Variants in ARHGEF28 observed in about 807,000 individuals in gnomAD.
ARHGEF28 encodes Rho guanine nucleotide exchange factor 28, also known as 190 kDa guanine nucleotide exchange factor.
In ARHGEF28, 152 loss-of-function variants were observed where a neutral mutation model predicts 206.6. The ratio of observed to expected loss-of-function variants is 0.74; its 90% CI spans 0.64 to 0.84. The LOEUF (loss-of-function observed/expected upper bound fraction) is 0.84, where lower values mean the gene tolerates loss of function less well. Ranked by LOEUF, ARHGEF28 falls within the 40% of genes least tolerant of loss-of-function variation. ARHGEF28 has a pLI of 0.00. For missense variants in ARHGEF28, 2,028 were observed against 2,073.2 expected (o/e 0.98, Z 0.42); for synonymous variants, 763 against 776.4 (o/e 0.98, Z 0.29).
chr5:73,640,719 C>T (rs905978137), intron 1 of ARHGEF28, among the ~76,000 whole-genome samples: 7 of 152,014 alleles, frequency 4.6e-5, no homozygotes, highest in African/African-American at 1.7e-4. Context: ...GGAATAATAC[C>T]AGCCCTTTAG....
chr5:73,927,013 G>C (rs1355109562), intron 35 of ARHGEF28, among the ~76,000 whole-genome samples: 1 of 152,088 alleles, frequency 6.6e-6, no homozygotes, highest in East Asian at 1.9e-4. Context: ...TTCTTAAGAG[G>C]AGGCTTTAGT....
intron 7 of ARHGEF28, 30 bp downstream of exon 7, chr5:73,780,775 G>A (rs559187795): frequency 6.5e-6 from 10 of 1,548,922 alleles, no homozygotes; most frequent in Middle Eastern, 1.8e-4. Context: ...ACTTATGGCA[G>A]CCACAGAGTG....
intron 11 of ARHGEF28, among the ~76,000 whole-genome samples, chr5:73,844,668 C>T (rs1341285670): frequency 1.3e-4 from 15 of 116,592 alleles, no homozygotes; most frequent in African/African-American, 4.6e-4. Context: ...ATAACCTAAA[C>T]AGGTTAATTC....
rs1484834799 is a variant in ARHGEF28, at chr5:73,909,753, G to A, written c.4503G>A (p.Gln1501=). The A allele has an allele frequency of 2.0e-6, 3 of 1,514,712 alleles. No homozygotes were observed. The highest frequency in any genetic ancestry group is 4.9e-5 in the East Asian group (2 of 40,808). 93.8% of individuals were successfully genotyped at this position (1,514,712 alleles called of 1,614,324 possible). The change falls in exon 34 of 36, where the codon CAG becomes CAA. Residue 1501 remains glutamine (Q), a synonymous_variant. Transcript: ENST00000513042. ...TGGACCTCCAGCTCCAGGAGTACCA[G>A]CACAGCCTGGAGCGGCTGAGGGAGG... ...GELDLQLQEY[Q]HSLERLREGQ... is the part of the protein sequence containing the mutation.
At chr5:73,687,969 A>G (rs1289444822) in intron 2 of ARHGEF28, among the ~76,000 whole-genome samples, 2 of 152,100 alleles carry the variant, frequency 1.3e-5, no homozygotes, top group Non-Finnish European at 2.9e-5. Context: ...TGGTGACTTT[A>G]TGTATGTACT....
intron 2 of ARHGEF28, among the ~76,000 whole-genome samples, chr5:73,718,117 C>T (rs1749701508): frequency 6.6e-6 from 1 of 152,078 alleles, no homozygotes; most frequent in Non-Finnish European, 1.5e-5. Flanking sequence ...AGGGATCCAC[C>T]CACCTTGGCC....
At chr5:73,793,150 TA>T (rs1277992656) in intron 7 of ARHGEF28, among the ~76,000 whole-genome samples, 1 of 152,238 alleles carries the variant, frequency 6.6e-6, no homozygotes, top group East Asian at 1.9e-4. Context: ...AGCAATATAC[TA>T]TTGTGGCATG....
At chr5:73,674,192 A>C (rs550073476) in intron 1 of ARHGEF28, among the ~76,000 whole-genome samples, 1 of 152,182 alleles carries the variant, frequency 6.6e-6, no homozygotes, top group African/African-American at 2.4e-5. Context: ...AAAACCAAAA[A>C]CAAAACATAC....
Position 73,737,676 on chromosome 5 carries a change from A to C in ARHGEF28, c.34-12161A>C, listed in dbSNP as rs574561776. Among the ~76,000 whole-genome samples, 3 of 151,752 alleles carry C rather than the reference A, an allele frequency of 2.0e-5. No homozygotes were observed. In the East Asian group the frequency reaches 5.8e-4, roughly 29 times the overall value. On this transcript the variant is annotated intron_variant, in intron 2 of 35. Coordinates refer to ENST00000513042, the MANE Select transcript of ARHGEF28 (RefSeq NM_001177693.2). ...ACAGGTGCACGCTGCCACCACGTCC[A>C]GCTAATTTTTTGTATTTTTTAGTAG...
At chr5:73,911,740 G>A (rs1762920301) in intron 35 of ARHGEF28, 165 bp downstream of exon 35, 1 of 740,810 alleles carries the variant, frequency 1.3e-6, no homozygotes, top group African/African-American at 1.8e-5. Flanking sequence ...GAAGTCTGGG[G>A]ACAGCCTTTG....
chr5:73,927,215 A>T (rs1763867369), intron 35 of ARHGEF28, among the ~76,000 whole-genome samples: 1 of 152,038 alleles, frequency 6.6e-6, no homozygotes, highest in Admixed American at 6.5e-5. Flanking sequence ...AATAAAAATA[A>T]AAAATAAAAA....
chr5:73,831,766 A>C (rs1757314790), intron 9 of ARHGEF28, among the ~76,000 whole-genome samples: 1 of 152,274 alleles, frequency 6.6e-6, no homozygotes, highest in South Asian at 2.1e-4. Flanking sequence ...GTCTCGGCTC[A>C]CCGCAACGTC....
chr5:73,846,345 G>T lies in ARHGEF28; in HGVS notation c.1505G>T (p.Gly502Val), dbSNP rs755309989. 21 of 1,613,714 alleles carry T rather than the reference G, an allele frequency of 1.3e-5. No homozygotes were observed. The South Asian group carries it at 1.8e-4, about 13-fold the overall frequency. ...CCATCCCACATCTGTTACACTCCAGGGTCTCAGAGCTCCTCAAGAACTGGG... is the reference window on the plus strand; with the variant it reads ...CCATCCCACATCTGTTACACTCCAGTGTCTCAGAGCTCCTCAAGAACTGGG... ...SEPSHICYTP[G>V]SQSSSRTGIP... Residue 502 changes from glycine to valine, a missense_variant, in exon 12 of 36, where the codon GGG becomes GTG. Around this residue, in one of 3 missense-constraint regions of ARHGEF28, gnomAD observed 1,002 missense variants for 1,015.3 expected, o/e 0.99. Transcript: ENST00000513042.
At chr5:73,862,079 T>A (rs1368727018) in intron 16 of ARHGEF28, among the ~76,000 whole-genome samples, 1 of 152,206 alleles carries the variant, frequency 6.6e-6, no homozygotes, top group East Asian at 1.9e-4. Flanking sequence ...TTCAAAATTC[T>A]TGGGTAATTT....
intron 35 of ARHGEF28, among the ~76,000 whole-genome samples, chr5:73,916,843 C>A (rs1236396668): frequency 6.6e-6 from 1 of 152,044 alleles, no homozygotes; most frequent in Non-Finnish European, 1.5e-5. Flanking sequence ...TGAACTATAA[C>A]AACATTGTTA....
At chr5:73,830,953 G>A (rs1757259799) in intron 9 of ARHGEF28, among the ~76,000 whole-genome samples, 1 of 152,096 alleles carries the variant, frequency 6.6e-6, no homozygotes. Flanking sequence ...AAATTTACGG[G>A]GATGTTAGTG....
chr5:73,628,203 GTGAGC>G (rs1297301777), intron 1 of ARHGEF28, among the ~76,000 whole-genome samples: 1 of 152,012 alleles, frequency 6.6e-6, no homozygotes, highest in Non-Finnish European at 1.5e-5. Flanking sequence ...GGAATTTCAG[GTGAGC>G]TCTGATACAT....
At chr5:73,772,701 G>T (rs906346179) in intron 4 of ARHGEF28, among the ~76,000 whole-genome samples, 6 of 152,162 alleles carry the variant, frequency 3.9e-5, no homozygotes, top group Non-Finnish European at 7.3e-5. Flanking sequence ...TAATGTTGGG[G>T]ATGGTGGTGG....
intron 2 of ARHGEF28, among the ~76,000 whole-genome samples, chr5:73,695,849 G>A (rs1053912029): frequency 2.0e-5 from 3 of 152,008 alleles, no homozygotes; most frequent in Non-Finnish European, 4.4e-5. Context: ...CATTCATCTC[G>A]CAACTCGCAG....
Sources: allele counts gnomAD v4.1 joint callset (sites outside exome capture counted in the v4.1 genomes callset), GRCh38; gene constraint gnomAD v4.1.1; regional missense constraint gnomAD v4.1.1; transcripts MANE v1.5; gene names NCBI Gene and HGNC (gene_info 2026-07-23, HGNC 2026-07-21).